The following PTCHD4 variants were observed in gnomAD, a reference collection of about 807,000 sequenced individuals.
PTCHD4 encodes patched domain containing 4, also known as patched domain-containing protein 4.
Under a neutral mutation model 58.1 loss-of-function variants are expected in PTCHD4, and 33 were observed. The ratio of observed to expected loss-of-function variants is 0.57; its 90% confidence interval spans 0.43 to 0.76. PTCHD4 has a LOEUF of 0.76. PTCHD4 is among the 30% of genes least tolerant of loss of function. PTCHD4 has a pLI of 0.00. For missense variants in PTCHD4, 1,058 were observed against 1,027.1 expected (o/e 1.03, Z -0.41); for synonymous variants, 478 against 409.6 (o/e 1.17, Z -2.02).
intron 4 of PTCHD4, among the ~76,000 whole-genome samples, chr6:48,002,276 A>G (rs1255233790): frequency 6.6e-6 from 1 of 152,236 alleles, no homozygotes; most frequent in Non-Finnish European, 1.5e-5. Flanking sequence ...TACCCAAAGG[A>G]GTATAAATCA....
rs559122109 is a variant in PTCHD4, at chr6:48,030,855, A to G, written c.418-21741T>C. Among the ~76,000 whole-genome samples the G allele has an allele frequency of 1.1e-4, 16 of 152,204 alleles. No individual in the cohort carries two copies. The East Asian group carries it at 3.1e-3, about 29-fold the overall frequency. On this transcript the variant is annotated intron_variant, in intron 3 of 4. Transcript: ENST00000339488. Reference sequence around the variant, plus strand: ...TTAATCTTTGTTTTTCTTTATTTTCATAGAAATATCCCTAATTAAATGGCT... The same window carrying G: ...TTAATCTTTGTTTTTCTTTATTTTCGTAGAAATATCCCTAATTAAATGGCT...
In PTCHD4 at chr6:47,865,674, C is replaced by T. The variant is rs930200924; in HGVS notation, c.*12629G>A. On this transcript the variant is annotated 3_prime_UTR_variant, in exon 5 of 5. Transcript: ENST00000339488. ...CTCTATTTCAGGCCAATATTACCTT[C>T]ATTGCTGATGACCACAACAGCCTCC... 1.3e-5 allele frequency among the ~76,000 whole-genome samples: 2 copies of T among 151,828 alleles called. No individual in the cohort carries two copies. Among genetic ancestry groups the T allele is most frequent in the Non-Finnish European group, 2.9e-5 (2 of 67,876 alleles).
intron 4 of PTCHD4, among the ~76,000 whole-genome samples, chr6:47,966,128 G>C (rs1028557520): frequency 6.6e-6 from 1 of 152,098 alleles, no homozygotes; most frequent in African/African-American, 2.4e-5. Context: ...GAAATGTTTG[G>C]CTCTGTTTAC....
chr6:47,982,315 A>C (rs1283395962), intron 4 of PTCHD4, among the ~76,000 whole-genome samples: 1 of 152,082 alleles, frequency 6.6e-6, no homozygotes, highest in Non-Finnish European at 1.5e-5. Context: ...GATTTTCTCC[A>C]ACAAATCTAT....
rs1763495897 is a variant in PTCHD4, at chr6:47,864,113, A to AAC, written c.*14189_*14190insGT. Among the ~76,000 whole-genome samples, 2 of 151,918 alleles carry AAC rather than the reference A, an allele frequency of 1.3e-5. No individual in the cohort carries two copies. The highest frequency in any genetic ancestry group is 2.9e-5 in the Non-Finnish European group (2 of 67,902). Reference sequence around the variant, plus strand: ...TTTCAAAGTCCAAGTGTGGTTCCTCAGACTAGTAGCATTAGCATCACCTGA... The same window carrying AAC: ...TTTCAAAGTCCAAGTGTGGTTCCTCAACGACTAGTAGCATTAGCATCACCTGA... On this transcript the variant is annotated 3_prime_UTR_variant, in exon 5 of 5. Coordinates refer to ENST00000339488, the MANE Select transcript of PTCHD4 (RefSeq NM_001384253.1).
chr6:47,912,760 A>C (rs1216621263), intron 4 of PTCHD4, among the ~76,000 whole-genome samples: 1 of 152,156 alleles, frequency 6.6e-6, no homozygotes, highest in Non-Finnish European at 1.5e-5. Context: ...TGAACTATAC[A>C]TTAAAAAAAT....
chr6:48,075,106 T>C (rs1765039240), intron 1 of PTCHD4, among the ~76,000 whole-genome samples: 1 of 152,170 alleles, frequency 6.6e-6, no homozygotes, highest in Non-Finnish European at 1.5e-5. Context: ...GCATCTTTTC[T>C]TAAAGTAATA....
At chr6:48,006,734 C>T (rs911440814) in intron 4 of PTCHD4, among the ~76,000 whole-genome samples, 7 of 152,224 alleles carry the variant, frequency 4.6e-5, no homozygotes, top group Admixed American at 3.3e-4. Flanking sequence ...TCCAGGAAGG[C>T]TCAATTTCCT....
intron 1 of PTCHD4, among the ~76,000 whole-genome samples, chr6:48,091,010 G>A (rs1765356367): frequency 6.6e-6 from 1 of 151,968 alleles, no homozygotes; most frequent in Non-Finnish European, 1.5e-5. Flanking sequence ...AATTTTATTT[G>A]AAAATTTCAC....
chr6:47,968,977 G>C (rs1408544049), intron 4 of PTCHD4, among the ~76,000 whole-genome samples: 1 of 152,072 alleles, frequency 6.6e-6, no homozygotes, highest in Non-Finnish European at 1.5e-5. Flanking sequence ...AACTTGCAAA[G>C]TCCCTATTAG....
chr6:48,049,380 T>C (rs1333491769), intron 3 of PTCHD4, among the ~76,000 whole-genome samples: 1 of 151,930 alleles, frequency 6.6e-6, no homozygotes, highest in African/African-American at 2.4e-5. Context: ...GGTCCTACAT[T>C]GGGCTGTTCC....
chr6:47,878,232 G>A lies in PTCHD4; in HGVS notation c.*71C>T, dbSNP rs1763898959. The A allele has an allele frequency of 7.1e-7, 1 of 1,412,500 alleles. No homozygotes were observed. Among genetic ancestry groups the A allele is most frequent in the Non-Finnish European group, 9.6e-7 (1 of 1,039,528 alleles). The allele number at this position is 1,412,500 out of a possible 1,614,324, so 87.5% of individuals were successfully genotyped here. A position where few individuals can be genotyped will look rare whatever the true frequency, so the allele number is the denominator to read the frequency against. On this transcript the variant is annotated 3_prime_UTR_variant, in exon 5 of 5. Coordinates refer to ENST00000339488, the MANE Select transcript of PTCHD4 (RefSeq NM_001384253.1). ...CCCCTGGCCAGCCCAAGCAGCTGAG[G>A]TCTGAGCTTTACTTGCCCTGCATCA... is the stretch of plus-strand genomic sequence containing the variant.
At chr6:47,962,987 G>A (rs1423911393) in intron 4 of PTCHD4, among the ~76,000 whole-genome samples, 1 of 151,856 alleles carries the variant, frequency 6.6e-6, no homozygotes, top group Non-Finnish European at 1.5e-5. Context: ...CGGTGAAACT[G>A]CACCTCTCTT....
Position 48,035,133 on chromosome 6 carries a change from T to G in PTCHD4, c.418-26019A>C, listed in dbSNP as rs1016752789. Among the ~76,000 whole-genome samples the G allele has an allele frequency of 6.4e-4, 98 of 152,264 alleles. 1 individual carries two copies. Among genetic ancestry groups the G allele is most frequent in the South Asian group, 4.1e-4 (2 of 4,830 alleles). ...TTTTATTATTTGTGTAGTAGATGAA[T>G]AAGGCTCTCTTTATTTTGCAGAGAA... On this transcript the variant is annotated intron_variant, in intron 3 of 4. Transcript: ENST00000339488.
chr6:47,975,389 T>C (rs1283706015), intron 4 of PTCHD4, among the ~76,000 whole-genome samples: 2 of 152,204 alleles, frequency 1.3e-5, no homozygotes, highest in Non-Finnish European at 2.9e-5. Flanking sequence ...TCTTCTTTTT[T>C]TTACATTTTT....
chr6:48,052,619 A>G (rs1158957023), intron 3 of PTCHD4, among the ~76,000 whole-genome samples: 3 of 152,068 alleles, frequency 2.0e-5, no homozygotes, highest in Non-Finnish European at 4.4e-5. Flanking sequence ...AGAGCAGTAA[A>G]TAGAAAAGGA....
chr6:47,920,013 T>G (rs1329506827), intron 4 of PTCHD4, among the ~76,000 whole-genome samples: 1 of 152,094 alleles, frequency 6.6e-6, no homozygotes, highest in African/African-American at 2.4e-5. Flanking sequence ...GTGGTGTCAC[T>G]GCTTGAAGGA....
In PTCHD4 at chr6:47,874,918, G is replaced by C. The variant is rs1359312648; in HGVS notation, c.*3385C>G. On this transcript the variant is annotated 3_prime_UTR_variant, in exon 5 of 5. Transcript: ENST00000339488. Reference sequence around the variant, plus strand: ...GGTATGATTACCTTTAACCATAAACGGTAAAAAATCTTTTAGCTGATCTCT... The same window carrying C: ...GGTATGATTACCTTTAACCATAAACCGTAAAAAATCTTTTAGCTGATCTCT... Among the ~76,000 whole-genome samples the C allele has an allele frequency of 6.6e-6, 1 of 151,604 alleles. No homozygotes were observed. The highest frequency in any genetic ancestry group is 6.6e-5 in the Admixed American group (1 of 15,188).
chr6:48,055,615 G>A (rs545769115), intron 3 of PTCHD4, among the ~76,000 whole-genome samples: 2 of 152,246 alleles, frequency 1.3e-5, no homozygotes, highest in African/African-American at 4.8e-5. Flanking sequence ...GAAAATAATT[G>A]AAAGAATGAA....
Sources: allele counts gnomAD v4.1 joint callset (sites outside exome capture counted in the v4.1 genomes callset), GRCh38; gene constraint gnomAD v4.1.1; transcripts MANE v1.5; gene names NCBI Gene and HGNC (gene_info 2026-07-23, HGNC 2026-07-21).